Variants in PRMT8 observed in about 807,000 individuals in gnomAD.
PRMT8 encodes the protein protein arginine methyltransferase 8.
Under a neutral mutation model 47.1 loss-of-function variants are expected in PRMT8, and 7 were observed. The observed-to-expected ratio is 0.15, with a 90% confidence interval of 0.08 to 0.28. The LOEUF is 0.28. Ranked by LOEUF, PRMT8 falls within the 10% of genes least tolerant of loss-of-function variation. PRMT8 has a pLI of 1.00. For synonymous variants in PRMT8, 188 were observed against 186.5 expected, an observed-to-expected ratio of 1.01 and a Z score of -0.07; for missense variants, 237 against 505.4, an observed-to-expected ratio of 0.47 and a Z score of 5.09.
At chr12:3,440,322 C>T (rs917812429) in intron 1 of PRMT8, among the ~76,000 whole-genome samples, 1 of 151,974 alleles carries the variant, frequency 6.6e-6, no homozygotes, top group Non-Finnish European at 1.5e-5. Flanking sequence ...ATTAGCCAGG[C>T]ATGGCAGCAC....
chr12:3,505,175 G>T (rs1020742888), intron 1 of PRMT8, among the ~76,000 whole-genome samples: 4 of 151,782 alleles, frequency 2.6e-5, no homozygotes, highest in African/African-American at 7.3e-5. Context: ...CGTTGCTCAC[G>T]CTGGGAGCTG....
chr12:3,408,476 A>G (rs1263831573), intron 1 of PRMT8, among the ~76,000 whole-genome samples: 3 of 152,194 alleles, frequency 2.0e-5, no homozygotes, highest in African/African-American at 7.2e-5. Context: ...GACTCAAGCG[A>G]TCTTCCTGCC....
At chr12:3,384,300 C>T (rs1487754941) in intron 1 of PRMT8, among the ~76,000 whole-genome samples, 3 of 150,278 alleles carry the variant, frequency 2.0e-5, no homozygotes, top group African/African-American at 7.4e-5. Context: ...TCAGAATGGG[C>T]ATTGGATTTT....
rs762957109 is a variant in PRMT8 at position 3,552,681 on chromosome 12, G to A, written c.418-970G>A. 1.0e-4 allele frequency: 48 copies of A among 457,518 alleles called. No individual in the cohort carries two copies. Among genetic ancestry groups the A allele is most frequent in the Non-Finnish European group, 2.0e-4 (45 of 227,440 alleles). 28.3% of individuals were successfully genotyped at this position (457,518 alleles called of 1,614,324 possible). On this transcript the variant is annotated intron_variant, in intron 3 of 9. Transcript: ENST00000382622. This position sits in a 1 kb window ranked among gnomAD's most constrained non-coding sequence, Gnocchi z 4.5. Reference sequence around the variant, plus strand: ...CCTCCTTGGATGCAGCTCTAACCAAGTGACCCCTTCTGACCCCGTAGGTGC... The same window carrying A: ...CCTCCTTGGATGCAGCTCTAACCAAATGACCCCTTCTGACCCCGTAGGTGC...
At chr12:3,467,441 C>G (rs1008734621) in intron 1 of PRMT8, among the ~76,000 whole-genome samples, 1 of 151,982 alleles carries the variant, frequency 6.6e-6, no homozygotes, top group Non-Finnish European at 1.5e-5. Context: ...CTGATTGTCC[C>G]CAATCCTGAT....
At position 3,421,796 on chromosome 12, in the gene PRMT8, T is replaced by C. The variant is rs189107925; in HGVS notation, c.48+40354T>C. On this transcript the variant is annotated intron_variant, in intron 1 of 9. Coordinates refer to the PRMT8 transcript ENST00000452611. ...AAGAGCAGGTTGTCAGGCTGACTTA[T>C]GCAAAAGCAGAACCATTAACCTCAC... is the stretch of plus-strand genomic sequence containing the variant. Among the ~76,000 whole-genome samples the C allele has an allele frequency of 1.2e-4, 18 of 152,364 alleles. No homozygotes were observed. The East Asian group carries it at 2.9e-3, about 25-fold the overall frequency.
In PRMT8 at chr12:3,485,975, T is replaced by C. The variant is rs575911167; in HGVS notation, c.49-54631T>C. 4.1e-4 allele frequency among the ~76,000 whole-genome samples: 63 copies of C among 152,364 alleles called. No individual in the cohort carries two copies. The South Asian group carries it at 0.012, about 29-fold the overall frequency. ...TTTGTTTTACCACCTCCACTCATTA[T>C]GCGTTTTCAGGTCGGGTTGCCCTGA... On this transcript the variant is annotated intron_variant, in intron 1 of 9. Transcript: ENST00000452611.
At chr12:3,465,158 TAAAA>T (rs5796052) in intron 1 of PRMT8, among the ~76,000 whole-genome samples, 1 of 141,922 alleles carries the variant, frequency 7.0e-6, no homozygotes, top group African/African-American at 2.6e-5. Context: ...AATTTTTTTA[TAAAA>T]AAATATATAT....
Position 3,593,338 on chromosome 12 carries a change from G to A in PRMT8, c.*156G>A. ...GGTGAACTCCCCAGGGCTCCCGTGG[G>A]CTCTGCCACTGGACAGAAGGCCTCC... is the stretch of plus-strand genomic sequence containing the variant. On this transcript the variant is annotated 3_prime_UTR_variant, in exon 10 of 10. Transcript: ENST00000382622. This position sits in a 1 kb window ranked among gnomAD's most constrained non-coding sequence, Gnocchi z 4.8. 1 of 633,802 alleles carries A rather than the reference G, an allele frequency of 1.6e-6. No homozygotes were observed. The highest frequency in any genetic ancestry group is 2.7e-6 in the Non-Finnish European group (1 of 370,162). The allele number at this position is 633,802 out of a possible 1,614,324, so 39.3% of individuals were successfully genotyped here.
At chr12:3,521,932 A>C (rs112799318) in intron 1 of PRMT8, among the ~76,000 whole-genome samples, 3 of 158 alleles carry the variant, frequency 0.019, no homozygotes, top group Non-Finnish European at 0.17. Flanking sequence ...GAGCGACTTT[A>C]ACCTCAAGAG....
At position 3,572,155 on chromosome 12, in the gene PRMT8, C is replaced by T. The variant is rs556628642; in HGVS notation, c.712+2591C>T. On this transcript the variant is annotated intron_variant, in intron 6 of 9. Transcript: ENST00000382622. The surrounding 1 kb of genome is among the most constrained non-coding windows in gnomAD (Gnocchi z 5.9). ...GAATGAGGTCAGTGCAGAACCTGCCCTCCATTTGCTCACCAATGAATAGAG... is the reference window on the plus strand; with the variant it reads ...GAATGAGGTCAGTGCAGAACCTGCCTTCCATTTGCTCACCAATGAATAGAG... Among the ~76,000 whole-genome samples the T allele has an allele frequency of 5.9e-5, 9 of 152,214 alleles. No individual in the cohort carries two copies. The South Asian group carries it at 1.7e-3, about 28-fold the overall frequency.
At chr12:3,397,044 G>C (rs1864257056) in intron 1 of PRMT8, among the ~76,000 whole-genome samples, 2 of 151,840 alleles carry the variant, frequency 1.3e-5, no homozygotes, top group South Asian at 4.2e-4. Flanking sequence ...TAGTTCTCGA[G>C]CCTTGGTTTT....
chr12:3,593,049 C>T lies in PRMT8; in HGVS notation c.1102-50C>T. 1 of 1,483,662 alleles carries T rather than the reference C, an allele frequency of 6.7e-7. No homozygotes were observed. The highest frequency in any genetic ancestry group is 9.4e-7 in the Non-Finnish European group (1 of 1,063,754). 91.9% of individuals were successfully genotyped at this position (1,483,662 alleles called of 1,614,324 possible). On this transcript the variant is annotated intron_variant, in intron 9 of 9. Transcript: ENST00000382622. The surrounding 1 kb of genome is among the most constrained non-coding windows in gnomAD (Gnocchi z 4.8). ...GTGGTGCCAGAGAGTGGGGCTGTGGCTTCATACCCAGACGGCCGCCTGACC... is the reference window on the plus strand; with the variant it reads ...GTGGTGCCAGAGAGTGGGGCTGTGGTTTCATACCCAGACGGCCGCCTGACC...
rs145093744 is a variant in PRMT8, at chr12:3,453,443, C to T, written c.48+72001C>T. 1.9e-4 allele frequency among the ~76,000 whole-genome samples: 29 copies of T among 152,282 alleles called. No individual in the cohort carries two copies. The East Asian group carries it at 4.6e-3, about 24-fold the overall frequency. On this transcript the variant is annotated intron_variant, in intron 1 of 9. Transcript: ENST00000452611. The surrounding 1 kb of genome is among the most constrained non-coding windows in gnomAD (Gnocchi z 4.9). ...ATGCAGATTCCCAGGCCAGCCCTGC[C>T]AAGTCTGAGTGAGTCCCCTGGAGGC...
chr12:3,396,579 T>C (rs916051109), intron 1 of PRMT8, among the ~76,000 whole-genome samples: 2 of 152,258 alleles, frequency 1.3e-5, no homozygotes, highest in African/African-American at 4.8e-5. Flanking sequence ...TGCCGAAAGA[T>C]CCACTGTTAG....
chr12:3,480,837 C>G (rs1865267641), intron 1 of PRMT8, among the ~76,000 whole-genome samples: 1 of 152,206 alleles, frequency 6.6e-6, no homozygotes, highest in South Asian at 2.1e-4. Flanking sequence ...ATTAGAGATT[C>G]TTTCTCTTGT....
At chr12:3,390,051 G>A (rs1864179002) in intron 1 of PRMT8, among the ~76,000 whole-genome samples, 1 of 152,276 alleles carries the variant, frequency 6.6e-6, no homozygotes, top group African/African-American at 2.4e-5. Context: ...AGAGCCGCCT[G>A]TGCTTCTGGG....
At chr12:3,384,301 A>G (rs1056825797) in intron 1 of PRMT8, among the ~76,000 whole-genome samples, 3 of 149,196 alleles carry the variant, frequency 2.0e-5, no homozygotes, top group African/African-American at 7.4e-5. Context: ...CAGAATGGGC[A>G]TTGGATTTTG....
chr12:3,491,475 C>T lies in PRMT8; in HGVS notation c.-151C>T. ...AAAGTGGAGACTGCAGAACAGACTC[C>T]GCTGTGGCTGACTGTGCCGGCCGAC... is the stretch of plus-strand genomic sequence containing the variant. On this transcript the variant is annotated 5_prime_UTR_variant, in exon 1 of 10. Transcript: ENST00000382622. The T allele has an allele frequency of 3.5e-6, 5 of 1,438,190 alleles. No homozygotes were observed. The highest frequency in any genetic ancestry group is 3.8e-4 in the Middle Eastern group (2 of 5,280). 89.1% of individuals were successfully genotyped at this position (1,438,190 alleles called of 1,614,324 possible).
Sources: allele counts gnomAD v4.1 joint callset (sites outside exome capture counted in the v4.1 genomes callset), GRCh38; gene constraint gnomAD v4.1.1; non-coding constraint Gnocchi (gnomAD v3.1); transcripts MANE v1.5; gene names NCBI Gene and HGNC (gene_info 2026-07-23, HGNC 2026-07-21).